KHDRBS2: variants seen among roughly 807,000 people sequenced by gnomAD.
KHDRBS2 encodes KH RNA binding domain containing, signal transduction associated 2, also known as KH domain-containing, RNA-binding, signal transduction-associated protein 2.
A neutral mutation model predicts 44.3 loss-of-function variants in KHDRBS2; 26 were observed. The ratio of observed to expected loss-of-function variants is 0.59; its 90% confidence interval spans 0.43 to 0.81. The LOEUF (loss-of-function observed/expected upper bound fraction) is 0.81, where lower values mean the gene tolerates loss of function less well. Ranked by LOEUF, KHDRBS2 falls within the 40% of genes least tolerant of loss-of-function variation. KHDRBS2 has a pLI of 0.00. For synonymous variants in KHDRBS2, 194 were observed against 151.1 expected (o/e 1.28, Z -2.08); for missense variants, 476 against 433.1 (o/e 1.10, Z -0.88).
At chr6:62,139,208 T>C (rs1350031504) in intron 2 of KHDRBS2, among the ~76,000 whole-genome samples, 1 of 152,066 alleles carries the variant, frequency 6.6e-6, no homozygotes, top group African/African-American at 2.4e-5. Flanking sequence ...AGAATAAATA[T>C]ATATATTACT....
rs1583523630 is a variant in KHDRBS2 at position 61,922,187 on chromosome 6, C to G, written c.484-20816G>C. Among the ~76,000 whole-genome samples, 3 of 152,116 alleles carry G rather than the reference C, an allele frequency of 2.0e-5. No individual in the cohort carries two copies. In the South Asian group the frequency reaches 6.2e-4, roughly 32 times the overall value. On this transcript the variant is annotated intron_variant, in intron 4 of 8. Transcript: ENST00000281156. ...ACTTGGACCACATTTATCTTCCCCT[C>G]TGAGTCAAGCAAAAAAGTGGGCAAA...
At chr6:62,195,009 A>T (rs1424637931) in intron 1 of KHDRBS2, among the ~76,000 whole-genome samples, 6 of 152,108 alleles carry the variant, frequency 3.9e-5, no homozygotes, top group Non-Finnish European at 8.8e-5. Context: ...GAATCTGTAG[A>T]TCAGTAAGGG....
At chr6:61,642,495 T>TA in the KHDRBS2 span, among the ~76,000 whole-genome samples, 83,098 of 133,858 alleles carry the variant, frequency 0.62, 25,894 homozygotes, top group African/African-American at 0.65. Flanking sequence ...GTTTCTATAT[T>TA]AAAAAAAAAA....
intron 6 of KHDRBS2, among the ~76,000 whole-genome samples, chr6:61,892,625 A>C (rs1304399294): frequency 3.3e-5 from 5 of 152,152 alleles, no homozygotes; most frequent in Non-Finnish European, 5.9e-5. Flanking sequence ...GATCTTTGAC[A>C]AACCTGAGAA....
At chr6:62,179,196 C>G (rs756842949) in intron 1 of KHDRBS2, among the ~76,000 whole-genome samples, 23 of 150,252 alleles carry the variant, frequency 1.5e-4, no homozygotes, top group Non-Finnish European at 6.0e-5. Flanking sequence ...CAGGTAATAC[C>G]TGAGTGAAAT....
At chr6:62,049,800 G>A (rs761865251) in intron 2 of KHDRBS2, among the ~76,000 whole-genome samples, 4 of 152,034 alleles carry the variant, frequency 2.6e-5, no homozygotes, top group Non-Finnish European at 5.9e-5. Context: ...ACACATGTTG[G>A]TGAGGCTGTG....
At chr6:61,709,427 A>T (rs903537877) in intron 7 of KHDRBS2, among the ~76,000 whole-genome samples, 1 of 151,612 alleles carries the variant, frequency 6.6e-6, no homozygotes, top group South Asian at 2.1e-4. Flanking sequence ...TTTATAAAAA[A>T]TGGGTATTTT....
chr6:61,797,725 T>TTGTGTGTGTG (rs56038952), intron 6 of KHDRBS2, among the ~76,000 whole-genome samples: 2 of 114,752 alleles, frequency 1.7e-5, no homozygotes, highest in Admixed American at 8.8e-5. Flanking sequence ...GTATGGTGTT[T>TTGTGTGTGTG]TGTGTGTGTG....
intron 6 of KHDRBS2, among the ~76,000 whole-genome samples, chr6:61,779,593 G>A (rs1381591027): frequency 6.6e-6 from 1 of 152,050 alleles, no homozygotes; most frequent in Non-Finnish European, 1.5e-5. Context: ...ATCAGAAAAT[G>A]TACAAAATGC....
intron 4 of KHDRBS2, among the ~76,000 whole-genome samples, chr6:61,921,127 G>C (rs1296130332): frequency 6.6e-6 from 1 of 151,930 alleles, no homozygotes; most frequent in Admixed American, 6.6e-5. Flanking sequence ...TGTAAATTAT[G>C]AATTCATTAG....
At chr6:62,178,442 C>T (rs1025648939) in intron 1 of KHDRBS2, among the ~76,000 whole-genome samples, 1 of 151,482 alleles carries the variant, frequency 6.6e-6, no homozygotes, top group African/African-American at 2.4e-5. Flanking sequence ...CAATGGTAAG[C>T]CTCTGGATCA....
At chr6:62,100,785 T>C (rs1441999401) in intron 2 of KHDRBS2, among the ~76,000 whole-genome samples, 1 of 152,234 alleles carries the variant, frequency 6.6e-6, no homozygotes, top group Non-Finnish European at 1.5e-5. Flanking sequence ...TTATATGCAC[T>C]GGGAAACCAG....
intron 6 of KHDRBS2, among the ~76,000 whole-genome samples, chr6:61,802,866 T>A (rs2127590115): frequency 6.6e-6 from 1 of 152,244 alleles, no homozygotes; most frequent in East Asian, 1.9e-4. Flanking sequence ...AGCACTACAT[T>A]CATGTCTCCA....
the KHDRBS2 span, among the ~76,000 whole-genome samples, chr6:61,555,983 T>C: frequency 6.6e-6 from 1 of 152,140 alleles, no homozygotes; most frequent in Non-Finnish European, 1.5e-5. Flanking sequence ...GGCAGTGGGG[T>C]TCATGCTCGT....
the KHDRBS2 span, among the ~76,000 whole-genome samples, chr6:61,625,685 C>T: frequency 6.6e-6 from 1 of 152,136 alleles, no homozygotes; most frequent in Non-Finnish European, 1.5e-5. Flanking sequence ...AGATGTCAGA[C>T]TTGCATCAGA....
intron 2 of KHDRBS2, among the ~76,000 whole-genome samples, chr6:62,059,680 A>G (rs984016615): frequency 1.3e-5 from 2 of 151,784 alleles, no homozygotes; most frequent in African/African-American, 4.8e-5. Context: ...AAACCTAGCA[A>G]TCATGTATGG....
chr6:61,975,497 T>A (rs1363918602), intron 4 of KHDRBS2, among the ~76,000 whole-genome samples: 1 of 152,170 alleles, frequency 6.6e-6, no homozygotes, highest in East Asian at 1.9e-4. Flanking sequence ...CTTGCGGTTC[T>A]CCCATTCTTT....
chr6:61,696,312 G>A (rs1767898711), intron 8 of KHDRBS2, among the ~76,000 whole-genome samples: 1 of 151,546 alleles, frequency 6.6e-6, no homozygotes, highest in South Asian at 2.1e-4. Context: ...CTGGAGTGCG[G>A]TGGCACGATC....
At chr6:62,080,614 G>T (rs1240775806) in intron 2 of KHDRBS2, among the ~76,000 whole-genome samples, 3 of 152,064 alleles carry the variant, frequency 2.0e-5, no homozygotes, top group Non-Finnish European at 4.4e-5. Context: ...CTGGATTGAA[G>T]ACTTTATATG....
Sources: gnomAD v4.1 joint callset for allele counts (sites outside exome capture counted in the v4.1 genomes callset) on GRCh38, gnomAD v4.1.1 for gene constraint, MANE v1.5 for transcripts, NCBI Gene and HGNC (gene_info 2026-07-23, HGNC 2026-07-21) for gene names.